Variants in NNT observed in about 807,000 individuals in gnomAD.
NNT encodes NAD(P) transhydrogenase, mitochondrial.
A neutral mutation model predicts 104.8 loss-of-function variants in NNT; 50 were observed. The ratio of observed to expected loss-of-function variants is 0.48; its 90% CI spans 0.38 to 0.60. The LOEUF (loss-of-function observed/expected upper bound fraction) is 0.60. NNT is among the 20% of genes least tolerant of loss of function. The pLI is 0.00. For synonymous variants in NNT, 461 were observed against 490.4 expected (o/e 0.94, Z 0.79); for missense variants, 1,131 against 1,330.7 (o/e 0.85, Z 2.33).
At chr5:43,628,019 T>G (rs928049915) in intron 6 of NNT, among the ~76,000 whole-genome samples, 181 bp from the exon 7 acceptor site, 22 of 152,210 alleles carry the variant, frequency 1.4e-4, no homozygotes, top group African/African-American at 3.6e-4. Flanking sequence ...AAAAGAATAT[T>G]CTCATAAATA....
intron 1 of NNT, among the ~76,000 whole-genome samples, chr5:43,605,078 G>A (rs1337689286): frequency 6.6e-6 from 1 of 152,158 alleles, no homozygotes; most frequent in Non-Finnish European, 1.5e-5. Flanking sequence ...CTTCCAATCC[G>A]CAGATCCAGA....
Position 43,665,777 on chromosome 5 carries a change from G to T in NNT, c.2634+6427G>T, listed in dbSNP as rs1422716167. Among the ~76,000 whole-genome samples, 2 of 136,700 alleles carry T rather than the reference G, an allele frequency of 1.5e-5. 1 individual carries two copies. The highest frequency in any genetic ancestry group is 3.4e-5 in the Non-Finnish European group (2 of 58,362). 89.7% of individuals were successfully genotyped at this position (136,700 alleles called of 152,430 possible). On this transcript the variant is annotated intron_variant, in intron 17 of 21. Transcript: ENST00000344920. Reference sequence around the variant, plus strand: ...CCAGACGGGGTGGTGGCCGGGCAGAGGGGCTCACTTCCCAGACGGGGCAGC... The same window carrying T: ...CCAGACGGGGTGGTGGCCGGGCAGATGGGCTCACTTCCCAGACGGGGCAGC...
At position 43,705,861 on chromosome 5, in the gene NNT, C is replaced by G. The variant is rs1463955363; in HGVS notation, c.*1457C>G. ...TGATAAATGCAATTTGTTAATTGAT[C>G]TTAGATCACTAGTAAACTCAGGGCT... On this transcript the variant is annotated 3_prime_UTR_variant, in exon 22 of 22. Transcript: ENST00000344920. 6.6e-6 allele frequency: 1 copy of G among 151,802 alleles called. No homozygotes were observed. Among genetic ancestry groups the G allele is most frequent in the Non-Finnish European group, 1.5e-5 (1 of 67,904 alleles). The allele number at this position is 151,802 out of a possible 1,614,324, so 9.4% of individuals were successfully genotyped here. A position where few individuals can be genotyped will look rare whatever the true frequency, so the allele number is the denominator to read the frequency against.
At position 43,655,859 on chromosome 5, in the gene NNT, C is replaced by T; in HGVS notation, c.2079C>T (p.Arg693=). The T allele has an allele frequency of 1.9e-6, 3 of 1,614,126 alleles. No individual in the cohort carries two copies. Among genetic ancestry groups the T allele is most frequent in the Non-Finnish European group, 2.5e-6 (3 of 1,179,956 alleles). ...TAACAGGATTGACAATTGCCAAACG[C>T]ATCCAGATTTCTGATTTACCTCAAT... ...GGTIGLTIAK[R]IQISDLPQLV... Residue 693 remains arginine, a synonymous_variant, in exon 15 of 22, where the codon CGC becomes CGT. Transcript: ENST00000344920.
At chr5:43,610,201 C>CTTTTTTTT (rs3054076) in intron 2 of NNT, among the ~76,000 whole-genome samples, 1 of 126,130 alleles carries the variant, frequency 7.9e-6, no homozygotes. Flanking sequence ...AACTGTCTGT[C>CTTTTTTTT]TTTTTTTTTT....
chr5:43,698,170 T>A (rs187229755), intron 19 of NNT, among the ~76,000 whole-genome samples: 2 of 151,866 alleles, frequency 1.3e-5, no homozygotes, highest in East Asian at 3.9e-4. Context: ...ATATAATATA[T>A]AATCTTGTAT....
chr5:43,669,535 T>A (rs1580081083), intron 17 of NNT, among the ~76,000 whole-genome samples: 1 of 152,162 alleles, frequency 6.6e-6, no homozygotes, highest in Non-Finnish European at 1.5e-5. Flanking sequence ...TCTATTGAGA[T>A]AATCATGTGG....
chr5:43,696,038 A>G (rs964224033), intron 19 of NNT, among the ~76,000 whole-genome samples: 1 of 152,096 alleles, frequency 6.6e-6, no homozygotes, highest in African/African-American at 2.4e-5. Context: ...ATATCCTCAC[A>G]TTTCAAAACC....
chr5:43,644,293 A>T lies in NNT; in HGVS notation c.1066A>T (p.Thr356Ser). Residue 356 changes from threonine to serine, a missense_variant, in exon 8 of 22, where the codon ACC becomes TCC. Coordinates refer to ENST00000344920, the MANE Select transcript of NNT (RefSeq NM_182977.3). Reference protein sequence around the residue: ...LAAEAGGNFETTKPGELYIHK... With the variant: ...LAAEAGGNFESTKPGELYIHK... ...TGCTGAGGCTGGTGGAAACTTTGAAACCACTAAGCCAGGAGAACTCTACAT... is the reference window on the plus strand; with the variant it reads ...TGCTGAGGCTGGTGGAAACTTTGAATCCACTAAGCCAGGAGAACTCTACAT... 6.2e-7 allele frequency: 1 copy of T among 1,613,912 alleles called. No homozygotes were observed.
At chr5:43,649,374 A>G (rs1170502431) in intron 11 of NNT, 66 bp downstream of exon 11, 3 of 1,543,990 alleles carry the variant, frequency 1.9e-6, no homozygotes, top group Non-Finnish European at 2.7e-6. Flanking sequence ...TAGGAGGACT[A>G]TCAATGCCGT....
At chr5:43,662,649 T>A (rs1411642430) in intron 17 of NNT, among the ~76,000 whole-genome samples, 2 of 152,134 alleles carry the variant, frequency 1.3e-5, no homozygotes, top group African/African-American at 2.4e-5. Context: ...TTCTAGCACT[T>A]TGGGAGGCTA....
rs945738367 is a variant in NNT, at chr5:43,704,419, G to A, written c.*15G>A. On this transcript the variant is annotated 3_prime_UTR_variant, in exon 22 of 22. Transcript: ENST00000344920. ...ATCAGAAGTAAATATTAAGGATCAA[G>A]CTGTTAGCTAATAATGCCACCTCTG... 3.1e-6 allele frequency: 5 copies of A among 1,612,886 alleles called. No individual in the cohort carries two copies. The highest frequency in any genetic ancestry group is 1.7e-5 in the Admixed American group (1 of 59,912).
chr5:43,623,299 TG>T (rs1440115742), intron 5 of NNT, among the ~76,000 whole-genome samples: 4 of 152,194 alleles, frequency 2.6e-5, no homozygotes, highest in Non-Finnish European at 5.9e-5. Flanking sequence ...TGACTGTTTA[TG>T]GGATATATAA....
At chr5:43,658,473 T>G (rs1428631008) in intron 16 of NNT, among the ~76,000 whole-genome samples, 1 of 152,204 alleles carries the variant, frequency 6.6e-6, no homozygotes, top group African/African-American at 2.4e-5. Flanking sequence ...CAAAGGGTAT[T>G]GATTATTATT....
chr5:43,651,804 AACT>A lies in NNT; in HGVS notation c.1786_1788del (p.Tyr596del). The A allele has an allele frequency of 6.2e-7, 1 of 1,614,146 alleles. No individual in the cohort carries two copies. The highest frequency in any genetic ancestry group is 2.2e-5 in the East Asian group (1 of 44,876). ...GCGTCCCACTGACCCCCCAGAATAC[AACT>A]ACCTGTACCTGCTCCCTGCCGGCAC... is the stretch of plus-strand genomic sequence containing the variant. On this transcript the variant is annotated inframe_deletion, in exon 13 of 22. Transcript: ENST00000344920.
At chr5:43,656,858 G>T in intron 16 of NNT, 45 bp downstream of exon 16, 1 of 1,536,048 alleles carries the variant, frequency 6.5e-7, no homozygotes, top group Non-Finnish European at 8.8e-7. Flanking sequence ...TGAAGAACTG[G>T]GAATATTTTG....
intron 7 of NNT, among the ~76,000 whole-genome samples, chr5:43,638,240 C>G (rs1284573788): frequency 1.3e-5 from 2 of 152,146 alleles, no homozygotes; most frequent in Non-Finnish European, 2.9e-5. Flanking sequence ...AAACCCCTTT[C>G]ATTTATAAAT....
At chr5:43,697,813 T>TA (rs1017662635) in intron 19 of NNT, among the ~76,000 whole-genome samples, 1 of 152,144 alleles carries the variant, frequency 6.6e-6, no homozygotes, top group African/African-American at 2.4e-5. Context: ...CTCCTTCTTA[T>TA]AAAATCATCA....
chr5:43,656,954 T>A, intron 16 of NNT, 141 bp downstream of exon 16: 1 of 740,304 alleles, frequency 1.4e-6, no homozygotes, highest in Non-Finnish European at 2.1e-6. Flanking sequence ...ATGTGCATCT[T>A]TTTAGAATCT....
Sources: allele counts gnomAD v4.1 joint callset (sites outside exome capture counted in the v4.1 genomes callset), GRCh38; gene constraint gnomAD v4.1.1; transcripts MANE v1.5; gene names NCBI Gene and HGNC (gene_info 2026-07-23, HGNC 2026-07-21).